Variants in GREM2 observed in about 807,000 individuals in gnomAD.
The protein encoded by GREM2 is gremlin-2.
GREM2 carries 11 observed loss-of-function variants against 14.2 expected under a neutral mutation model. That is an observed-to-expected ratio of 0.78 (90% confidence interval 0.49 to 1.28). The LOEUF (loss-of-function observed/expected upper bound fraction) is 1.28, where lower values mean the gene tolerates loss of function less well. Among genes scored for constraint, GREM2 ranks in the 50% most tolerant of loss-of-function variants. GREM2 has a pLI of 0.00. For missense variants in GREM2, 210 were observed against 218.5 expected (o/e 0.96, Z 0.24); for synonymous variants, 98 against 97.6 (o/e 1.00, Z -0.02).
intron 1 of GREM2, among the ~76,000 whole-genome samples, chr1:240,594,329 G>A (rs1028075584): frequency 6.6e-6 from 1 of 152,172 alleles, no homozygotes; most frequent in Non-Finnish European, 1.5e-5. Flanking sequence ...CAATATTCAT[G>A]CCACACGTGG....
At chr1:240,600,127 G>C (rs897049422) in intron 1 of GREM2, among the ~76,000 whole-genome samples, 6 of 152,180 alleles carry the variant, frequency 3.9e-5, no homozygotes, top group African/African-American at 1.2e-4. Context: ...GACTGGGAAT[G>C]AGGAAACCTG....
At chr1:240,503,349 C>T (rs145738226) in intron 1 of GREM2, among the ~76,000 whole-genome samples, 56 of 152,300 alleles carry the variant, frequency 3.7e-4, no homozygotes, top group Non-Finnish European at 6.3e-4. Context: ...TGGTTTAGAT[C>T]CTCATCATCT....
intron 1 of GREM2, among the ~76,000 whole-genome samples, chr1:240,520,833 G>A (rs1041573880): frequency 6.6e-6 from 1 of 150,518 alleles, no homozygotes. Flanking sequence ...GTGAGCCACT[G>A]TGCCAGTCCA....
intron 1 of GREM2, among the ~76,000 whole-genome samples, chr1:240,574,890 C>T (rs540900811): frequency 1.4e-4 from 21 of 152,190 alleles, no homozygotes; most frequent in East Asian, 3.9e-4. Context: ...AGGCGGATCA[C>T]GAGGTCAAGA....
At chr1:240,548,581 T>C (rs1272205148) in intron 1 of GREM2, among the ~76,000 whole-genome samples, 1 of 152,186 alleles carries the variant, frequency 6.6e-6, no homozygotes, top group Non-Finnish European at 1.5e-5. Context: ...TGGCTAAAAA[T>C]ATATGAGTCC....
At chr1:240,553,863 C>T (rs1376094465) in intron 1 of GREM2, among the ~76,000 whole-genome samples, 2 of 152,134 alleles carry the variant, frequency 1.3e-5, no homozygotes, top group African/African-American at 4.8e-5. Context: ...ATTTAGAATA[C>T]ACAGACCAAG....
At chr1:240,567,912 C>A (rs1454876245) in intron 1 of GREM2, among the ~76,000 whole-genome samples, 9 of 152,056 alleles carry the variant, frequency 5.9e-5, no homozygotes, top group Non-Finnish European at 1.0e-4. Flanking sequence ...AGTTTGAGAC[C>A]AGCCTGGCCA....
At chr1:240,498,859 C>A (rs12569318) in intron 1 of GREM2, among the ~76,000 whole-genome samples, 10,686 of 152,266 alleles carry the variant, frequency 0.07, 857 homozygotes, top group East Asian at 0.44. Context: ...TATTAACCAT[C>A]TTTCTGGCCT....
intron 1 of GREM2, among the ~76,000 whole-genome samples, chr1:240,604,186 A>T (rs968022241): frequency 1.3e-5 from 2 of 151,908 alleles, no homozygotes; most frequent in African/African-American, 2.4e-5. Flanking sequence ...TTAATGCGGG[A>T]TCTACCCCCA....
At chr1:240,548,108 A>T (rs1418771877) in intron 1 of GREM2, among the ~76,000 whole-genome samples, 30 of 38,950 alleles carry the variant, frequency 7.7e-4, no homozygotes, top group African/African-American at 5.5e-3. Flanking sequence ...CTAAAAATTT[A>T]AAAAAAAAAA....
At chr1:240,558,504 A>G (rs1678988779) in intron 1 of GREM2, among the ~76,000 whole-genome samples, 1 of 152,196 alleles carries the variant, frequency 6.6e-6, no homozygotes, top group Non-Finnish European at 1.5e-5. Flanking sequence ...ATGGAAAGGG[A>G]AATACATGAC....
chr1:240,601,156 A>C (rs1450975134), intron 1 of GREM2, among the ~76,000 whole-genome samples: 2 of 152,248 alleles, frequency 1.3e-5, no homozygotes, highest in African/African-American at 4.8e-5. Flanking sequence ...AAATAATAAT[A>C]GTTACAGTAA....
intron 1 of GREM2, among the ~76,000 whole-genome samples, chr1:240,581,303 C>A (rs1657148068): frequency 6.6e-6 from 1 of 151,922 alleles, no homozygotes; most frequent in African/African-American, 2.4e-5. Context: ...GTTTGTCACC[C>A]AGCTCTGCCA....
chr1:240,531,397 G>A (rs940262740), intron 1 of GREM2, among the ~76,000 whole-genome samples: 7 of 152,322 alleles, frequency 4.6e-5, no homozygotes, highest in South Asian at 2.1e-4. Context: ...AGACAGAAAC[G>A]TTGAAATTAA....
At chr1:240,561,012 T>C (rs765752374) in intron 1 of GREM2, among the ~76,000 whole-genome samples, 20 of 152,314 alleles carry the variant, frequency 1.3e-4, no homozygotes, top group Non-Finnish European at 2.6e-4. Context: ...GCCAACTATT[T>C]AAGAAAGTTT....
chr1:240,510,264 G>A, intron 1 of GREM2, among the ~76,000 whole-genome samples: 1 of 150,708 alleles, frequency 6.6e-6, no homozygotes, highest in Non-Finnish European at 1.5e-5. Context: ...CAGCTAGTCG[G>A]GAGGCTGAGG....
At chr1:240,554,184 G>A (rs1018215939) in intron 1 of GREM2, among the ~76,000 whole-genome samples, 60 of 152,112 alleles carry the variant, frequency 3.9e-4, no homozygotes, top group Admixed American at 1.5e-3. Context: ...GCCGAGGCAG[G>A]CAGATCACCT....
chr1:240,602,252 CT>C (rs1173719668), intron 1 of GREM2, among the ~76,000 whole-genome samples: 6 of 152,142 alleles, frequency 3.9e-5, no homozygotes, highest in African/African-American at 7.2e-5. Flanking sequence ...TAACAGAATT[CT>C]TTTCTGAGGT....
intron 1 of GREM2, among the ~76,000 whole-genome samples, chr1:240,557,799 A>G (rs1470468730): frequency 6.6e-6 from 1 of 152,108 alleles, no homozygotes; most frequent in Non-Finnish European, 1.5e-5. Flanking sequence ...AGCTGCCTGG[A>G]GAGCAACCAC....
Sources: allele counts gnomAD v4.1 joint callset (sites outside exome capture counted in the v4.1 genomes callset), GRCh38; gene constraint gnomAD v4.1.1; transcripts MANE v1.5; gene names NCBI Gene and HGNC (gene_info 2026-07-23, HGNC 2026-07-21).